The following VAV3 variants were observed in gnomAD, a reference collection of about 807,000 sequenced individuals.
VAV3 encodes guanine nucleotide exchange factor VAV3.
VAV3 carries 94 observed loss-of-function variants against 131.2 expected under a neutral mutation model. The observed-to-expected ratio is 0.72, with a 90% CI of 0.61 to 0.85. VAV3 has a LOEUF of 0.85. Ranked by LOEUF, VAV3 falls within the 40% of genes least tolerant of loss-of-function variation. The probability of loss-of-function intolerance (pLI) is 0.00; values close to 1 mark genes in which losing one functional copy is unlikely to be tolerated. For missense variants in VAV3, 939 were observed against 1,002.7 expected (o/e 0.94, Z 0.86); for synonymous variants, 349 against 342.0 (o/e 1.02, Z -0.22).
At chr1:107,840,973 G>C (rs1465463182) in intron 2 of VAV3, among the ~76,000 whole-genome samples, 1 of 152,066 alleles carries the variant, frequency 6.6e-6, no homozygotes, top group African/African-American at 2.4e-5. Flanking sequence ...GGGAAGGCTG[G>C]AGGCAGTGAG....
At chr1:107,612,375 C>G (rs1652820193) in intron 21 of VAV3, among the ~76,000 whole-genome samples, 2 of 151,922 alleles carry the variant, frequency 1.3e-5, no homozygotes, top group South Asian at 4.1e-4. Flanking sequence ...TTAACATATT[C>G]TTATTGTTTC....
intron 1 of VAV3, among the ~76,000 whole-genome samples, chr1:107,962,123 T>TA (rs1159771216): frequency 2.0e-5 from 3 of 152,196 alleles, no homozygotes; most frequent in Admixed American, 6.5e-5. Context: ...TCATGTGCTA[T>TA]AAAAAATAGT....
At chr1:107,845,982 C>A (rs563226835) in intron 2 of VAV3, among the ~76,000 whole-genome samples, 76 of 151,996 alleles carry the variant, frequency 5.0e-4, no homozygotes, top group Admixed American at 2.1e-3. Flanking sequence ...AAGAGCAACC[C>A]CAAGACAAAT....
At chr1:107,927,707 A>C (rs941335704) in intron 1 of VAV3, among the ~76,000 whole-genome samples, 1 of 151,990 alleles carries the variant, frequency 6.6e-6, no homozygotes, top group African/African-American at 2.4e-5. Flanking sequence ...TGGAAAGGGG[A>C]GGGAAGAGTA....
intron 2 of VAV3, among the ~76,000 whole-genome samples, chr1:107,822,340 A>AG (rs1667826644): frequency 6.6e-6 from 1 of 152,058 alleles, no homozygotes; most frequent in South Asian, 2.1e-4. Context: ...TGGAGGAATG[A>AG]GAAAAAAGAG....
In VAV3 at chr1:107,819,713, G is replaced by A. The variant is rs148064254; in HGVS notation, c.322-40221C>T. Among the ~76,000 whole-genome samples the A allele has an allele frequency of 4.9e-3, 738 of 152,068 alleles. 3 individuals carry two copies. The highest frequency in any genetic ancestry group is 8.3e-3 in the Non-Finnish European group (562 of 67,970). On this transcript the variant is annotated intron_variant, in intron 2 of 26. Coordinates refer to ENST00000370056, the MANE Select transcript of VAV3 (RefSeq NM_006113.5). ...TAATGCCTTTAAAAATATATACACCGCCAAATACTCTTCCTTCAAACTGTT... is the reference window on the plus strand; with the variant it reads ...TAATGCCTTTAAAAATATATACACCACCAAATACTCTTCCTTCAAACTGTT...
At chr1:107,868,385 A>T (rs1173578305) in intron 2 of VAV3, among the ~76,000 whole-genome samples, 2 of 152,180 alleles carry the variant, frequency 1.3e-5, no homozygotes, top group African/African-American at 4.8e-5. Context: ...TGCCAAGGTG[A>T]GGTCCCTGGG....
intron 1 of VAV3, among the ~76,000 whole-genome samples, chr1:107,939,691 A>G (rs1673893859): frequency 6.6e-6 from 1 of 152,160 alleles, no homozygotes; most frequent in African/African-American, 2.4e-5. Context: ...TCTTAGCCTG[A>G]GTTTCCCAGA....
intron 19 of VAV3, among the ~76,000 whole-genome samples, chr1:107,657,416 A>C (rs886091228): frequency 2.0e-5 from 3 of 152,196 alleles, no homozygotes; most frequent in Non-Finnish European, 4.4e-5. Flanking sequence ...AAGAATTTCA[A>C]ATGTTATGGC....
Position 107,753,458 on chromosome 1 carries a change from A to ATGTG in VAV3, c.1173+1965_1173+1968dup, listed in dbSNP as rs563756938. On this transcript the variant is annotated intron_variant, in intron 12 of 26. Coordinates refer to ENST00000370056, the MANE Select transcript of VAV3 (RefSeq NM_006113.5). ...AATGCTATATATATTTATAGCATTAATGTGTGTGTGTATGTATGTGTGTGT... is the reference window on the plus strand; with the variant it reads ...AATGCTATATATATTTATAGCATTAATGTGTGTGTGTGTGTATGTATGTGTGTGT... Among the ~76,000 whole-genome samples the ATGTG allele has an allele frequency of 1.9e-3, 279 of 147,556 alleles. 4 individuals are homozygous for ATGTG. The highest frequency in any genetic ancestry group is 6.8e-3 in the African/African-American group (273 of 40,220).
intron 19 of VAV3, among the ~76,000 whole-genome samples, chr1:107,659,726 G>A (rs186090428): frequency 1.3e-5 from 2 of 152,200 alleles, no homozygotes; most frequent in Non-Finnish European, 2.9e-5. Context: ...AGGATATGCT[G>A]GTATTAAGGA....
Position 107,705,354 on chromosome 1 carries a change from GAA to G in VAV3, c.1503-295_1503-294del, listed in dbSNP as rs376720993. ...ATGGCCACATAGGTCAACCTGCCTG[GAA>G]AAAAAAAAAAAAAAACCCACTGGAT... On this transcript the variant is annotated intron_variant, in intron 15 of 26. Transcript: ENST00000370056. 5.5e-3 allele frequency among the ~76,000 whole-genome samples: 718 copies of G among 129,424 alleles called. 7 individuals are homozygous for G. The highest frequency in any genetic ancestry group is 0.019 in the African/African-American group (672 of 35,732). 84.9% of individuals were successfully genotyped at this position (129,424 alleles called of 152,430 possible). A position where few individuals can be genotyped will look rare whatever the true frequency, so the allele number is the denominator to read the frequency against.
chr1:107,712,360 A>T (rs1005529107), intron 15 of VAV3, among the ~76,000 whole-genome samples: 1 of 152,218 alleles, frequency 6.6e-6, no homozygotes. Flanking sequence ...TGATTTTTTT[A>T]AAGCTCATCA....
chr1:107,664,944 A>C (rs78739337), intron 19 of VAV3, among the ~76,000 whole-genome samples: 395 of 152,354 alleles, frequency 2.6e-3, no homozygotes, highest in Non-Finnish European at 4.4e-3. Context: ...AATTCAGTAC[A>C]TGTGGAAAAT....
In VAV3 at chr1:107,964,940, G is replaced by A. The variant is rs551570977; in HGVS notation, c.-71C>T. On this transcript the variant is annotated 5_prime_UTR_variant, in exon 1 of 27. Transcript: ENST00000370056. ...ATGCGGCCGCCGCCGCCGCCGCCGC[G>A]GTTCCTCCGCGCCCCGCCGACGCCA... The A allele has an allele frequency of 1.5e-3, 1,643 of 1,118,424 alleles. 6 individuals carry two copies. The Middle Eastern group carries it at 0.031, about 21-fold the overall frequency. 69.3% of individuals were successfully genotyped at this position (1,118,424 alleles called of 1,614,324 possible).
intron 20 of VAV3, among the ~76,000 whole-genome samples, chr1:107,640,183 T>C (rs1460977344): frequency 6.6e-6 from 1 of 152,178 alleles, no homozygotes; most frequent in African/African-American, 2.4e-5. Flanking sequence ...CATAGAAGCT[T>C]TATTTGCAAT....
chr1:107,837,693 T>G (rs1322281858), intron 2 of VAV3, among the ~76,000 whole-genome samples: 1 of 152,056 alleles, frequency 6.6e-6, no homozygotes, highest in Non-Finnish European at 1.5e-5. Context: ...AAGTGACACA[T>G]AGACCAATGA....
intron 15 of VAV3, among the ~76,000 whole-genome samples, chr1:107,743,551 T>C (rs1165423811): frequency 6.6e-6 from 1 of 152,198 alleles, no homozygotes; most frequent in African/African-American, 2.4e-5. Context: ...ATAATAATAC[T>C]TAAATTCAAT....
chr1:107,608,380 A>C (rs1020458589), intron 22 of VAV3, among the ~76,000 whole-genome samples: 1 of 152,184 alleles, frequency 6.6e-6, no homozygotes, highest in Admixed American at 6.5e-5. Context: ...GAAGAAACCT[A>C]ATCATCACAC....
Sources: allele counts gnomAD v4.1 joint callset (sites outside exome capture counted in the v4.1 genomes callset), GRCh38; gene constraint gnomAD v4.1.1; transcripts MANE v1.5; gene names NCBI Gene and HGNC (gene_info 2026-07-23, HGNC 2026-07-21).